The following STMN1 variants were observed in gnomAD, a reference collection of about 807,000 sequenced individuals.
STMN1 encodes stathmin.
In STMN1, 3 loss-of-function variants were observed where a neutral mutation model predicts 19.7. The ratio of observed to expected loss-of-function variants is 0.15; its 90% CI spans 0.07 to 0.39. The LOEUF (loss-of-function observed/expected upper bound fraction) is 0.39. Among genes scored for constraint, STMN1 ranks in the 10% least tolerant of loss-of-function variants. The probability of loss-of-function intolerance (pLI) is 1.00; values close to 1 mark genes in which losing one functional copy is unlikely to be tolerated. For synonymous variants in STMN1, 59 were observed against 58.9 expected, an observed-to-expected ratio of 1.00 and a Z score of -0.01; for missense variants, 99 against 176.0, an observed-to-expected ratio of 0.56 and a Z score of 2.48.
Position 25,900,133 on chromosome 1 carries a change from A to T in STMN1, c.*883T>A, listed in dbSNP as rs774373272. On this transcript the variant is annotated 3_prime_UTR_variant, in exon 5 of 5. Coordinates refer to ENST00000455785, the MANE Select transcript of STMN1 (RefSeq NM_005563.4). ...CACAGGAGTTGCTACAGCAGTACAT[A>T]AAGTTTTATTAATATTCTGATTCTC... 2.4e-5 allele frequency: 24 copies of T among 985,726 alleles called. No homozygotes were observed. Among genetic ancestry groups the T allele is most frequent in the Non-Finnish European group, 2.9e-5 (24 of 829,934 alleles). The allele number at this position is 985,726 out of a possible 1,614,324, so 61.1% of individuals were successfully genotyped here.
At chr1:25,889,604 C>T (rs2048754833) in intron 4 of STMN1, among the ~76,000 whole-genome samples, 1 of 152,126 alleles carries the variant, frequency 6.6e-6, no homozygotes. Flanking sequence ...CATGACCCTC[C>T]ACCTCACTGT....
downstream of STMN1, among the ~76,000 whole-genome samples, chr1:25,898,115 A>C (rs1319830778): frequency 6.6e-6 from 1 of 152,102 alleles, no homozygotes; most frequent in African/African-American, 2.4e-5. Context: ...GCAGCCCCCC[A>C]CATTCAAAAG....
rs1005238808 is a variant in STMN1, at chr1:25,900,428, G to GA, written c.*587dup. 1.0e-6 allele frequency: 1 copy of GA among 985,754 alleles called. No individual in the cohort carries two copies. Among genetic ancestry groups the GA allele is most frequent in the African/African-American group, 1.7e-5 (1 of 57,228 alleles). 61.1% of individuals were successfully genotyped at this position (985,754 alleles called of 1,614,324 possible). A position where few individuals can be genotyped will look rare whatever the true frequency, so the allele number is the denominator to read the frequency against. On this transcript the variant is annotated 3_prime_UTR_variant, in exon 5 of 5. Transcript: ENST00000455785. ...GACAATGCAAACCACACTGGGGCAA[G>GA]AAACGGGGCAGAGAACGTGCGGTCA... is the stretch of plus-strand genomic sequence containing the variant.
At chr1:25,903,933 T>C in intron 2 of STMN1, 120 bp from the exon 3 acceptor site, 1 of 1,091,032 alleles carries the variant, frequency 9.2e-7, no homozygotes. Context: ...ATGAGGAAAG[T>C]TGTGTTTTTT....
Position 25,901,601 on chromosome 1 carries a change from T to C in STMN1, c.268A>G (p.Asn90Asp), listed in dbSNP as rs11538124. Reference sequence around the variant, plus strand: ...TCTGCCATTTTACTGAAGTTGTTGTTCTCTTCTATTGCCTTCTGAAGCACT... The same window carrying C: ...TCTGCCATTTTACTGAAGTTGTTGTCCTCTTCTATTGCCTTCTGAAGCACT... ...KEVLQKAIEE[N>D]NNFSKMAEEK... Residue 90 changes from asparagine to aspartate, a missense_variant, in exon 4 of 5, where the codon AAC becomes GAC. Physicochemically the swap from Asn to Asp is conservative, Grantham distance 23 (BLOSUM62 1). Transcript: ENST00000455785. The C allele has an allele frequency of 1.2e-6, 2 of 1,614,162 alleles. No homozygotes were observed. Among genetic ancestry groups the C allele is most frequent in the Non-Finnish European group, 1.7e-6 (2 of 1,180,024 alleles).
intron 4 of STMN1, among the ~76,000 whole-genome samples, chr1:25,888,484 T>C (rs1415639561): frequency 2.0e-5 from 3 of 152,214 alleles, no homozygotes; most frequent in Non-Finnish European, 4.4e-5. Flanking sequence ...TAAATATTTC[T>C]TGAATGAATA....
chr1:25,901,115 GTCAA>G, intron 4 of STMN1, 28 bp from the exon 5 acceptor site: 1 of 836,194 alleles, frequency 1.2e-6, no homozygotes, highest in Admixed American at 4.5e-5. Context: ...GGTGTCATCA[GTCAA>G]AAAAAAAAAA....
intron 3 of STMN1, chr1:25,901,937 G>T: frequency 3.9e-6 from 1 of 255,394 alleles, no homozygotes. Context: ...TTGAACCCGG[G>T]AGGTGGAGGT....
chr1:25,889,388 G>A (rs971282760), intron 4 of STMN1, among the ~76,000 whole-genome samples: 2 of 152,136 alleles, frequency 1.3e-5, no homozygotes, highest in African/African-American at 4.8e-5. Flanking sequence ...CAGCCAGCAA[G>A]GTCTGCCATG....
At chr1:25,905,789 AACAGGCCCCCGGGT>A (rs1362078513) in intron 1 of STMN1, 1 of 151,772 alleles carries the variant, frequency 6.6e-6, no homozygotes, top group African/African-American at 2.4e-5. Context: ...AGGCCCCGGG[AACAGGCCCCCGGGT>A]GGTCCCGCGG....
exon 5 of STMN1, chr1:25,885,669 G>A (rs2048714790): frequency 6.7e-6 from 10 of 1,502,122 alleles, no homozygotes; most frequent in Non-Finnish European, 8.0e-6. Context: ...TGGCCAGACT[G>A]TTCATCAGTC....
At chr1:25,896,107 G>A, downstream of STMN1, among the ~76,000 whole-genome samples, 1 of 152,192 alleles carries the variant, frequency 6.6e-6, no homozygotes, top group South Asian at 2.1e-4. Context: ...TGATACATGA[G>A]GAGTTGCAGT....
chr1:25,887,469 G>T, intron 4 of STMN1: 1 of 372,010 alleles, frequency 2.7e-6, no homozygotes. Context: ...CATCTTAGAT[G>T]GCTACATGAA....
At chr1:25,888,046 T>C (rs1572291277) in intron 4 of STMN1, among the ~76,000 whole-genome samples, 1 of 152,038 alleles carries the variant, frequency 6.6e-6, no homozygotes, top group Admixed American at 6.6e-5. Flanking sequence ...GGGGGGTCAG[T>C]GAATTTCTGG....
intron 2 of STMN1, among the ~76,000 whole-genome samples, chr1:25,904,099 G>C (rs1026742476): frequency 6.6e-6 from 1 of 152,150 alleles, no homozygotes; most frequent in Non-Finnish European, 1.5e-5. Flanking sequence ...GATCCCTTGA[G>C]CCCTGAAGTT....
intron 4 of STMN1, 30 bp from the exon 5 acceptor site, chr1:25,901,117 CAAAAAAAAA>C (rs58316569): frequency 5.1e-5 from 61 of 1,204,760 alleles, no homozygotes; most frequent in East Asian, 4.0e-4. Flanking sequence ...TGTCATCAGT[CAAAAAAAAA>C]AAAAAAAAAA....
chr1:25,884,919 G>A (rs2048709705), downstream of STMN1: 3 of 153,500 alleles, frequency 2.0e-5, no homozygotes, highest in South Asian at 6.2e-4. Context: ...TGCTTGAGAT[G>A]CTCCTGTAGC....
At chr1:25,886,800 A>G (rs1461110958) in intron 4 of STMN1, among the ~76,000 whole-genome samples, 1 of 151,872 alleles carries the variant, frequency 6.6e-6, no homozygotes, top group Non-Finnish European at 1.5e-5. Context: ...CATGGACAGG[A>G]TCGTTTCGAT....
At chr1:25,902,823 T>G (rs751805893) in intron 3 of STMN1, 6 of 152,194 alleles carry the variant, frequency 3.9e-5, no homozygotes, top group Non-Finnish European at 5.9e-5. Context: ...TTCGGGCGGG[T>G]GTGTGTGTAT....
Sources: allele counts gnomAD v4.1 joint callset (sites outside exome capture counted in the v4.1 genomes callset), GRCh38; gene constraint gnomAD v4.1.1; transcripts MANE v1.5; gene names NCBI Gene and HGNC (gene_info 2026-07-23, HGNC 2026-07-21).